LRRC38: variants seen among roughly 807,000 people sequenced by gnomAD.
LRRC38 encodes leucine rich repeat containing 38.
Under a neutral mutation model 16.4 loss-of-function variants are expected in LRRC38, and 5 were observed. The ratio of observed to expected loss-of-function variants is 0.31; its 90% CI spans 0.16 to 0.64. The LOEUF (loss-of-function observed/expected upper bound fraction) is 0.64. Among genes scored for constraint, LRRC38 ranks in the 30% least tolerant of loss-of-function variants. LRRC38 has a pLI of 0.80. For synonymous variants in LRRC38, 191 were observed against 190.2 expected (o/e 1.00, Z -0.04); for missense variants, 341 against 401.8 (o/e 0.85, Z 1.29).
chr1:13,492,978 G>A (rs112110675), intron 1 of LRRC38, among the ~76,000 whole-genome samples: 2,676 of 152,230 alleles, frequency 0.018, 77 homozygotes, highest in African/African-American at 0.062. Context: ...TGGGGGCCAC[G>A]CTATCCCTGG....
At chr1:13,503,544 C>T (rs187773646) in intron 1 of LRRC38, among the ~76,000 whole-genome samples, 124 of 152,354 alleles carry the variant, frequency 8.1e-4, no homozygotes, top group Non-Finnish European at 2.4e-4. Flanking sequence ...GCTGGGATTA[C>T]AGGCGTGAGC....
intron 1 of LRRC38, among the ~76,000 whole-genome samples, chr1:13,504,280 G>A (rs144945525): frequency 1.1e-4 from 16 of 151,718 alleles, no homozygotes; most frequent in African/African-American, 3.4e-4. Flanking sequence ...ATCTGCCATC[G>A]GACAGCTCAT....
chr1:13,504,232 G>A (rs1430966159), intron 1 of LRRC38, among the ~76,000 whole-genome samples: 1 of 131,614 alleles, frequency 7.6e-6, no homozygotes, highest in Non-Finnish European at 1.5e-5. Flanking sequence ...ACCTACATTT[G>A]ACCGGGGACA....
intron 1 of LRRC38, 35 bp downstream of exon 1, chr1:13,512,928 T>G (rs1195519905): frequency 8.5e-3 from 3,752 of 439,038 alleles, no homozygotes; most frequent in Non-Finnish European, 0.011. Flanking sequence ...CCTGCCCCCC[T>G]CCCTCCCTCC....
Position 13,475,760 on chromosome 1 carries a change from T to C in LRRC38, c.*86A>G. 6.7e-7 allele frequency: 1 copy of C among 1,492,124 alleles called. No homozygotes were observed. Among genetic ancestry groups the C allele is most frequent in the Non-Finnish European group, 9.0e-7 (1 of 1,115,476 alleles). The allele number at this position is 1,492,124 out of a possible 1,614,324, so 92.4% of individuals were successfully genotyped here. On this transcript the variant is annotated 3_prime_UTR_variant, in exon 2 of 2. Transcript: ENST00000376085. The surrounding 1 kb of genome is among the most constrained non-coding windows in gnomAD (Gnocchi z 4.3). ...TCAGTTCACAGATGGTGGCCAGTGCTTTTCCATTTTCAGCATTTCCCTCTC... is the reference window on the plus strand; with the variant it reads ...TCAGTTCACAGATGGTGGCCAGTGCCTTTCCATTTTCAGCATTTCCCTCTC...
At chr1:13,498,251 A>C (rs1425560947) in intron 1 of LRRC38, among the ~76,000 whole-genome samples, 2 of 69,078 alleles carry the variant, frequency 2.9e-5, no homozygotes, top group African/African-American at 1.5e-4. Flanking sequence ...AAACAAAACA[A>C]AAAAAAAAAG....
chr1:13,507,066 T>G (rs1274068415), intron 1 of LRRC38, among the ~76,000 whole-genome samples: 3 of 152,232 alleles, frequency 2.0e-5, no homozygotes, highest in Non-Finnish European at 2.9e-5. Context: ...CTGGATGAGT[T>G]GAACATTTTT....
intron 1 of LRRC38, among the ~76,000 whole-genome samples, chr1:13,505,563 C>T (rs995510935): frequency 1.7e-4 from 26 of 152,228 alleles, no homozygotes; most frequent in Non-Finnish European, 2.6e-4. Context: ...TAGTCTCCTA[C>T]GCAGGGTGCG....
At chr1:13,497,795 C>G (rs960920221) in intron 1 of LRRC38, among the ~76,000 whole-genome samples, 15 of 151,960 alleles carry the variant, frequency 9.9e-5, no homozygotes, top group Middle Eastern at 3.4e-3. Context: ...AACCCCGTCT[C>G]TACCAAAACT....
intron 1 of LRRC38, among the ~76,000 whole-genome samples, chr1:13,480,156 C>T (rs1308725048): frequency 1.3e-5 from 2 of 152,144 alleles, no homozygotes. Context: ...ACCAACCTCG[C>T]CAATATGGCG....
At chr1:13,478,556 C>T (rs955655635) in intron 1 of LRRC38, among the ~76,000 whole-genome samples, 2 of 152,238 alleles carry the variant, frequency 1.3e-5, no homozygotes, top group Non-Finnish European at 2.9e-5. Flanking sequence ...CCTTCAGCCT[C>T]TGCTTGCCTC....
At position 13,475,552 on chromosome 1, in the gene LRRC38, C is replaced by A; in HGVS notation, c.*294G>T. ...TTTCCTGGGGGAGGCTTTTAGTCAT[C>A]AGCTATGAAGCCTGACTCGGTCATC... On this transcript the variant is annotated 3_prime_UTR_variant, in exon 2 of 2. Transcript: ENST00000376085. This position sits in a 1 kb window ranked among gnomAD's most constrained non-coding sequence, Gnocchi z 4.3. 2.9e-6 allele frequency: 1 copy of A among 342,014 alleles called. No individual in the cohort carries two copies. The highest frequency in any genetic ancestry group is 5.4e-6 in the Non-Finnish European group (1 of 184,130). 21.2% of individuals were successfully genotyped at this position (342,014 alleles called of 1,614,324 possible). A position where few individuals can be genotyped will look rare whatever the true frequency, so the allele number is the denominator to read the frequency against.
At chr1:13,485,277 T>TA (rs3060199) in intron 1 of LRRC38, among the ~76,000 whole-genome samples, 1,387 of 97,814 alleles carry the variant, frequency 0.014, 33 homozygotes, top group African/African-American at 0.038. Flanking sequence ...AACCCCACCT[T>TA]AAAAAAAAAA....
chr1:13,485,026 C>T (rs1638913738), intron 1 of LRRC38, among the ~76,000 whole-genome samples: 1 of 152,068 alleles, frequency 6.6e-6, no homozygotes, highest in Non-Finnish European at 1.5e-5. Context: ...GCCTGTAATC[C>T]CAGCACTTTG....
chr1:13,487,107 C>T lies in LRRC38; in HGVS notation c.632-11008G>A, dbSNP rs79147552. ...AGACCTGCCCCATTCTCTTCTGAGC[C>T]TGCTTCTCCAGGCTTCTCTTCAATT... On this transcript the variant is annotated intron_variant, in intron 1 of 1. Coordinates refer to ENST00000376085, the MANE Select transcript of LRRC38 (RefSeq NM_001010847.2). This position sits in a 1 kb window ranked among gnomAD's most constrained non-coding sequence, Gnocchi z 4.4. 5.6e-3 allele frequency among the ~76,000 whole-genome samples: 852 copies of T among 152,332 alleles called. 9 individuals carry two copies. Among genetic ancestry groups the T allele is most frequent in the African/African-American group, 0.019 (808 of 41,568 alleles).
chr1:13,498,436 G>C (rs1169490149), intron 1 of LRRC38, among the ~76,000 whole-genome samples: 1 of 152,136 alleles, frequency 6.6e-6, no homozygotes, highest in Non-Finnish European at 1.5e-5. Context: ...TTCAAGACCA[G>C]CCTGAGCAAC....
In LRRC38 at chr1:13,496,841, G is replaced by A. The variant is rs1557501578; in HGVS notation, c.631+16122C>T. Among the ~76,000 whole-genome samples the A allele has an allele frequency of 5.3e-5, 8 of 152,298 alleles. 1 individual carries two copies. In the South Asian group the frequency reaches 1.7e-3, roughly 32 times the overall value. ...AGGACGAAGAGGAGCAGGGGGACAG[G>A]GAAGGAGAGCCAGAGGTGGTGGGGT... On this transcript the variant is annotated intron_variant, in intron 1 of 1. Transcript: ENST00000376085.
intron 1 of LRRC38, among the ~76,000 whole-genome samples, chr1:13,488,954 C>A (rs1256690276): frequency 1.3e-5 from 2 of 152,146 alleles, no homozygotes; most frequent in African/African-American, 2.4e-5. Context: ...TTAGGGAAAT[C>A]ATGAAGAATG....
chr1:13,492,137 C>T (rs1283707317), intron 1 of LRRC38, among the ~76,000 whole-genome samples: 3 of 152,224 alleles, frequency 2.0e-5, no homozygotes, highest in Non-Finnish European at 2.9e-5. Flanking sequence ...CTCCCAGGCA[C>T]AGGCAAATAT....
Sources: allele counts gnomAD v4.1 joint callset (sites outside exome capture counted in the v4.1 genomes callset), GRCh38; gene constraint gnomAD v4.1.1; non-coding constraint Gnocchi (gnomAD v3.1); transcripts MANE v1.5; gene names NCBI Gene and HGNC (gene_info 2026-07-23, HGNC 2026-07-21).